The following SRRM1 variants were observed in gnomAD, a reference collection of about 807,000 sequenced individuals.
SRRM1 encodes serine and arginine repetitive matrix 1.
In SRRM1, 19 loss-of-function variants were observed where a neutral mutation model predicts 110.2. The ratio of observed to expected loss-of-function variants is 0.17; its 90% CI spans 0.12 to 0.25. The LOEUF is 0.25. Ranked by LOEUF, SRRM1 falls within the 10% of genes least tolerant of loss-of-function variation. The probability of loss-of-function intolerance (pLI) is 1.00; values close to 1 mark genes in which losing one functional copy is unlikely to be tolerated. For missense variants in SRRM1, 918 were observed against 1,145.8 expected (o/e 0.80, Z 2.87); for synonymous variants, 443 against 414.9 (o/e 1.07, Z -0.82).
chr1:24,643,735 C>T, intron 1 of SRRM1: 1 of 251,520 alleles, frequency 4.0e-6, no homozygotes, highest in Non-Finnish European at 7.6e-6. Context: ...GCCCTAAGGT[C>T]ACTGGTGGCG....
At chr1:24,649,873 A>G (rs887998568) in intron 4 of SRRM1, 98 bp from the exon 5 acceptor site, 5 of 1,087,070 alleles carry the variant, frequency 4.6e-6, no homozygotes, top group Non-Finnish European at 6.3e-6. Flanking sequence ...AGGCCGATGA[A>G]ATGATAATAG....
chr1:24,661,487 T>G, intron 11 of SRRM1, 91 bp downstream of exon 11: 1 of 879,666 alleles, frequency 1.1e-6, no homozygotes, highest in Non-Finnish European at 1.7e-6. Flanking sequence ...GCATGAGTAC[T>G]TACTTGCCTA....
intron 9 of SRRM1, among the ~76,000 whole-genome samples, chr1:24,656,144 C>T (rs563189612): frequency 6.6e-6 from 1 of 152,294 alleles, no homozygotes; most frequent in Non-Finnish European, 1.5e-5. Flanking sequence ...TTTCATTATA[C>T]ATTTTAATGA....
Position 24,672,792 on chromosome 1 carries a change from G to A in SRRM1, c.*506G>A, listed in dbSNP as rs1673306486. 1 of 152,578 alleles carries A rather than the reference G, an allele frequency of 6.6e-6. No individual in the cohort carries two copies. The highest frequency in any genetic ancestry group is 1.5e-5 in the Non-Finnish European group (1 of 68,064). The allele number at this position is 152,578 out of a possible 1,614,324, so 9.5% of individuals were successfully genotyped here. A position where few individuals can be genotyped will look rare whatever the true frequency, so the allele number is the denominator to read the frequency against. ...CAAAAGTATAAATGAATATTTTAATGCCACAATCTTTCCTGTTGCCTGTGG... is the reference window on the plus strand; with the variant it reads ...CAAAAGTATAAATGAATATTTTAATACCACAATCTTTCCTGTTGCCTGTGG... On this transcript the variant is annotated 3_prime_UTR_variant, in exon 17 of 17. Coordinates refer to ENST00000323848, the MANE Select transcript of SRRM1 (RefSeq NM_005839.4).
At chr1:24,661,187 T>G in intron 10 of SRRM1, 123 bp from the exon 11 acceptor site, 1 of 620,136 alleles carries the variant, frequency 1.6e-6, no homozygotes. Flanking sequence ...TTAAAAAAAA[T>G]ATATAGTAGT....
rs1672141135 is a variant in SRRM1 at position 24,670,436 on chromosome 1, G to A, written c.2400+121G>A. 5 of 997,566 alleles carry A rather than the reference G, an allele frequency of 5.0e-6. No individual in the cohort carries two copies. The South Asian group carries it at 8.9e-5, about 18-fold the overall frequency. 61.8% of individuals were successfully genotyped at this position (997,566 alleles called of 1,614,324 possible). ...TTTAAACTTTTTTTCCCATTTGTGA[G>A]TTATACATCTGATCTTGGGCAGGTT... On this transcript the variant is annotated intron_variant, in intron 15 of 16. Transcript: ENST00000323848.
Position 24,652,950 on chromosome 1 carries a change from C to T in SRRM1, c.958C>T (p.Arg320Trp), listed in dbSNP as rs1557677462. The stretch of plus-strand genomic sequence containing the variant: ...TAGAAGGCGGCCAAGCCCAAGAAGG[C>T]GGCCATCTCCTCGAAGAAGAACTCC... Reference protein sequence around the residue: ...SPRRRPSPRRRPSPRRRTPPR... With the variant: ...SPRRRPSPRRWPSPRRRTPPR... The change falls in exon 8 of 17, where the codon CGG becomes TGG. Residue 320 changes from arginine to tryptophan, a missense_variant. Coordinates refer to ENST00000323848, the MANE Select transcript of SRRM1 (RefSeq NM_005839.4). The T allele has an allele frequency of 1.2e-5, 20 of 1,613,798 alleles. No individual in the cohort carries two copies. Among genetic ancestry groups the T allele is most frequent in the Non-Finnish European group, 1.6e-5 (19 of 1,179,840 alleles).
At chr1:24,648,780 A>T (rs892519956) in intron 3 of SRRM1, 79 bp from the exon 4 acceptor site, 1 of 1,310,738 alleles carries the variant, frequency 7.6e-7, no homozygotes, top group African/African-American at 1.5e-5. Context: ...ACTAATTTAA[A>T]TGAGTTTTAG....
At chr1:24,667,697 A>G (rs1413342155) in intron 13 of SRRM1, among the ~76,000 whole-genome samples, 4 of 152,190 alleles carry the variant, frequency 2.6e-5, no homozygotes, top group Admixed American at 1.3e-4. Context: ...GAAAAGGAAC[A>G]TTGATTAAGT....
In SRRM1 at chr1:24,649,974, G is replaced by C; in HGVS notation, c.409G>C (p.Glu137Gln). ...TTTGAAAACCTGGTCTTTGCAGATT[G>C]AACAAGAAAAACTGGCATCTATGAA... ...KKEEIKQRQI[E>Q]QEKLASMKKQ... is the part of the protein sequence containing the mutation. Residue 137 changes from glutamate (E) to glutamine (Q), a missense_variant, in exon 5 of 17, where the codon GAA (glutamate) becomes CAA (glutamine). By Grantham distance (29) the Glu-to-Gln change is conservative. Around this residue, in one of 5 missense-constraint regions of SRRM1, gnomAD observed 456 missense variants for 453.5 expected, o/e 1.01. Transcript: ENST00000323848. 6.3e-7 allele frequency: 1 copy of C among 1,576,264 alleles called. No individual in the cohort carries two copies. The highest frequency in any genetic ancestry group is 8.6e-7 in the Non-Finnish European group (1 of 1,164,194).
Position 24,669,498 on chromosome 1 carries a change from G to T in SRRM1, c.2115G>T (p.Ser705=), listed in dbSNP as rs764762086. 3.1e-6 allele frequency: 5 copies of T among 1,611,624 alleles called. No homozygotes were observed. The African/African-American group carries it at 5.3e-5, about 17-fold the overall frequency. The change falls in exon 14 of 17, where the codon TCG becomes TCT. Residue 705 remains serine (S), a synonymous_variant. Transcript: ENST00000323848. ...SSPPPVRRGA[S]SSPQRRQSPS... is the part of the protein sequence containing the mutation. ...CTCCACCCGTTCGAAGAGGAGCGTC[G>T]TCATCACCCCAAAGAAGGCAGTCCC... is the stretch of plus-strand genomic sequence containing the variant.
At chr1:24,654,409 A>G in intron 8 of SRRM1, 1 of 1,178,220 alleles carries the variant, frequency 8.5e-7, no homozygotes, top group Non-Finnish European at 1.1e-6. Context: ...CCCTGCTTCT[A>G]AGTTTATGTA....
intron 11 of SRRM1, among the ~76,000 whole-genome samples, chr1:24,662,205 T>C (rs1274718438): frequency 1.3e-5 from 2 of 152,190 alleles, no homozygotes; most frequent in African/African-American, 2.4e-5. Flanking sequence ...CCCAACACTT[T>C]GGGAGGCTGA....
chr1:24,657,538 G>C (rs1387085284), intron 9 of SRRM1, among the ~76,000 whole-genome samples: 1 of 152,136 alleles, frequency 6.6e-6, no homozygotes, highest in Non-Finnish European at 1.5e-5. Context: ...AAATGTAATA[G>C]ATATTACAGT....
At chr1:24,655,192 A>G in intron 9 of SRRM1, 63 bp downstream of exon 9, 3 of 1,549,236 alleles carry the variant, frequency 1.9e-6, no homozygotes, top group South Asian at 1.1e-5. Context: ...GTAGTCAGTT[A>G]TTGCCCCCTG....
chr1:24,669,085 G>T, intron 13 of SRRM1, 38 bp from the exon 14 acceptor site: 3 of 1,559,726 alleles, frequency 1.9e-6, no homozygotes, highest in Non-Finnish European at 2.6e-6. Flanking sequence ...TCTGTATTTT[G>T]TTGAGCCTTT....
chr1:24,666,706 A>C, intron 12 of SRRM1, 109 bp from the exon 13 acceptor site: 1 of 778,266 alleles, frequency 1.3e-6, no homozygotes, highest in Non-Finnish European at 2.1e-6. Context: ...CGGAGGTTGC[A>C]GTGAGCCAAG....
Position 24,645,967 on chromosome 1 carries a change from T to A in SRRM1, c.22-17T>A. ...TAACTTTGAACCCTTAGTTAAGATG[T>A]GGTTCTCTTCCTGCAGGGAACAAGT... On this transcript the variant is annotated splice_polypyrimidine_tract_variant and intron_variant, in intron 1 of 16. Transcript: ENST00000323848. 1 of 1,608,394 alleles carries A rather than the reference T, an allele frequency of 6.2e-7. No individual in the cohort carries two copies. Among genetic ancestry groups the A allele is most frequent in the Non-Finnish European group, 8.5e-7 (1 of 1,175,908 alleles).
intron 2 of SRRM1, 80 bp downstream of exon 2, chr1:24,646,153 A>G: frequency 1.9e-6 from 2 of 1,053,312 alleles, no homozygotes; most frequent in Middle Eastern, 3.0e-4. Context: ...TTGGAGATGC[A>G]TTGTAACTTG....
Sources: gnomAD v4.1 joint callset for allele counts (sites outside exome capture counted in the v4.1 genomes callset) on GRCh38, gnomAD v4.1.1 for gene constraint, gnomAD v4.1.1 regional missense constraint, MANE v1.5 for transcripts, NCBI Gene and HGNC (gene_info 2026-07-23, HGNC 2026-07-21) for gene names.